The following NLGN4X variants were observed in gnomAD, a reference collection of about 807,000 sequenced individuals.
NLGN4X encodes neuroligin-4, X-linked.
In NLGN4X, 3 loss-of-function variants were observed where a neutral mutation model predicts 40.3. The ratio of observed to expected loss-of-function variants is 0.07; its 90% CI spans 0.03 to 0.19. The LOEUF is 0.19. NLGN4X is among the 10% of genes least tolerant of loss of function. The probability of loss-of-function intolerance (pLI) is 1.00; values close to 1 mark genes in which losing one functional copy is unlikely to be tolerated. For missense variants in NLGN4X, 382 were observed against 708.3 expected (o/e 0.54, Z 5.23); for synonymous variants, 270 against 306.8 (o/e 0.88, Z 1.25).
chrX:6,006,483 GGT>G (rs2036105108), intron 3 of NLGN4X, among the ~76,000 whole-genome samples: 1 of 111,030 alleles, frequency 9.0e-6, no homozygotes, highest in Non-Finnish European at 1.9e-5. Flanking sequence ...TTTGGCATGT[GGT>G]TTAAAGAGTG....
intron 2 of NLGN4X, among the ~76,000 whole-genome samples, chrX:6,051,853 G>GA (rs1311523131): frequency 1.8e-5 from 2 of 111,461 alleles, no homozygotes; most frequent in Middle Eastern, 4.7e-3. Flanking sequence ...CTATGAGGTT[G>GA]ATAGAAGTCA....
At chrX:6,202,114 C>T (rs193271084) in intron 1 of NLGN4X, among the ~76,000 whole-genome samples, 67 of 109,924 alleles carry the variant, frequency 6.1e-4, no homozygotes, top group Admixed American at 1.3e-3. Context: ...TAAGACAGGG[C>T]CTATAGAGAA....
intron 1 of NLGN4X, among the ~76,000 whole-genome samples, chrX:6,157,242 T>A (rs2040289107): frequency 8.9e-6 from 1 of 111,798 alleles, no homozygotes; most frequent in African/African-American, 3.3e-5. Flanking sequence ...GTTTAATGGG[T>A]CAGGAACATG....
chrX:6,109,094 G>A (rs2039091335), intron 2 of NLGN4X, among the ~76,000 whole-genome samples: 1 of 111,087 alleles, frequency 9.0e-6, no homozygotes, highest in Non-Finnish European at 1.9e-5. Context: ...AGATGCTATC[G>A]CTACAAAAAT....
intron 3 of NLGN4X, among the ~76,000 whole-genome samples, chrX:5,930,308 T>A (rs1009875810): frequency 8.9e-6 from 1 of 112,316 alleles, no homozygotes; most frequent in Non-Finnish European, 1.9e-5. Context: ...ACAATCTTAA[T>A]GACATCTGAT....
At position 5,925,881 on chromosome X, in the gene NLGN4X, CATATATATATATATATAT is replaced by C. The variant is rs55860509; in HGVS notation, c.626-16660_626-16643del. The stretch of plus-strand genomic sequence containing the variant: ...ATATATATATATATATACATACACA[CATATATATATATATATAT>C]ATATATATATATATATATATATATA... On this transcript the variant is annotated intron_variant, in intron 3 of 5. Transcript: ENST00000381095. Among the ~76,000 whole-genome samples the C allele has an allele frequency of 7.4e-3, 144 of 19,514 alleles. 3 individuals are homozygous for C. In the South Asian group the frequency reaches 0.16, roughly 21 times the overall value. 16.9% of individuals were successfully genotyped at this position (19,514 alleles called of 115,157 possible).
chrX:5,966,630 T>A (rs1487284448), intron 3 of NLGN4X, among the ~76,000 whole-genome samples: 2 of 112,722 alleles, frequency 1.8e-5, no homozygotes, highest in African/African-American at 6.4e-5. Context: ...ACACATGTTA[T>A]ATGCTTTAAT....
At chrX:6,174,431 G>GTA (rs1204464476) in intron 1 of NLGN4X, among the ~76,000 whole-genome samples, 1 of 111,793 alleles carries the variant, frequency 8.9e-6, no homozygotes, top group Non-Finnish European at 1.9e-5. Context: ...CCGTTACTGG[G>GTA]TATATACTCA....
intron 1 of NLGN4X, among the ~76,000 whole-genome samples, chrX:6,153,326 G>A (rs765107471): frequency 1.8e-5 from 2 of 111,174 alleles, no homozygotes; most frequent in South Asian, 7.6e-4. Flanking sequence ...GGATGAAAAC[G>A]CACTGAAAAT....
At position 6,126,063 on chromosome X, in the gene NLGN4X, G is replaced by A. The variant is rs557712491; in HGVS notation, c.472+24932C>T. Among the ~76,000 whole-genome samples the A allele has an allele frequency of 9.3e-4, 103 of 110,780 alleles. No homozygotes were observed. In the South Asian group the frequency reaches 0.038, roughly 41 times the overall value. ...ATTTAAAAATATATTAATTTTCAGA[G>A]CACATTAATTATAAGAGAAGAATCA... is the stretch of plus-strand genomic sequence containing the variant. On this transcript the variant is annotated intron_variant, in intron 2 of 5. Coordinates refer to ENST00000381095, the MANE Select transcript of NLGN4X (RefSeq NM_181332.3).
At chrX:5,926,789 T>TACACGCATACAC (rs1555921498) in intron 3 of NLGN4X, among the ~76,000 whole-genome samples, 6 of 93,055 alleles carry the variant, frequency 6.4e-5, no homozygotes, top group African/African-American at 2.4e-4. Flanking sequence ...CTAGAGAGCA[T>TACACGCATACAC]ACACACACAC....
At chrX:6,060,447 T>C (rs2037741397) in intron 2 of NLGN4X, among the ~76,000 whole-genome samples, 1 of 111,693 alleles carries the variant, frequency 9.0e-6, no homozygotes, top group East Asian at 2.8e-4. Context: ...TCACCTTTAC[T>C]GATCAGCACA....
In NLGN4X at chrX:5,997,239, C is replaced by G. The variant is rs1023080735; in HGVS notation, c.625+32041G>C. 9.4e-5 allele frequency among the ~76,000 whole-genome samples: 10 copies of G among 105,942 alleles called. No homozygotes were observed. The South Asian group carries it at 1.2e-3, about 13-fold the overall frequency. The allele number at this position is 105,942 out of a possible 115,157, so 92.0% of individuals were successfully genotyped here. On this transcript the variant is annotated intron_variant, in intron 3 of 5. Coordinates refer to ENST00000381095, the MANE Select transcript of NLGN4X (RefSeq NM_181332.3). ...TATATATATAAATTATATATAGATA[C>G]AAACATATATATGAAGAGTTAGTAA...
At chrX:5,956,260 T>A (rs766472485) in intron 3 of NLGN4X, among the ~76,000 whole-genome samples, 1 of 108,320 alleles carries the variant, frequency 9.2e-6, no homozygotes, top group Non-Finnish European at 1.9e-5. Flanking sequence ...AAGAAAAAAA[T>A]GCATGTATAT....
intron 3 of NLGN4X, among the ~76,000 whole-genome samples, chrX:6,002,958 T>A (rs1161610592): frequency 9.0e-6 from 1 of 111,563 alleles, no homozygotes; most frequent in Non-Finnish European, 1.9e-5. Flanking sequence ...TCCTGCTCCA[T>A]CCCGTTTTCA....
chrX:6,010,865 T>C lies in NLGN4X; in HGVS notation c.625+18415A>G, dbSNP rs141173417. Among the ~76,000 whole-genome samples, 316 of 111,413 alleles carry C rather than the reference T, an allele frequency of 2.8e-3. 2 individuals carry two copies. Among genetic ancestry groups the C allele is most frequent in the African/African-American group, 9.6e-3 (295 of 30,661 alleles). ...TCTACATCAATTTAGGGATTACTCA[T>C]TTTGAATCACAATAATCTCTATTTA... On this transcript the variant is annotated intron_variant, in intron 3 of 5. Coordinates refer to ENST00000381095, the MANE Select transcript of NLGN4X (RefSeq NM_181332.3).
At chrX:5,990,344 A>G (rs2035648034) in intron 3 of NLGN4X, among the ~76,000 whole-genome samples, 1 of 111,155 alleles carries the variant, frequency 9.0e-6, no homozygotes, top group African/African-American at 3.3e-5. Context: ...GAACAGAATC[A>G]CGTGCTGCAG....
chrX:6,130,089 A>T (rs1255887764), intron 2 of NLGN4X, among the ~76,000 whole-genome samples: 3 of 107,842 alleles, frequency 2.8e-5, no homozygotes, highest in Non-Finnish European at 5.8e-5. Flanking sequence ...AGGTCTCGCT[A>T]TGTTGCCCAG....
At chrX:5,948,312 A>G (rs935032060) in intron 3 of NLGN4X, among the ~76,000 whole-genome samples, 2 of 112,363 alleles carry the variant, frequency 1.8e-5, no homozygotes, top group African/African-American at 3.2e-5. Flanking sequence ...TGTAACCAAA[A>G]GAAATTTTAA....
Sources: gnomAD v4.1 joint callset for allele counts (sites outside exome capture counted in the v4.1 genomes callset) on GRCh38, gnomAD v4.1.1 for gene constraint, MANE v1.5 for transcripts, NCBI Gene and HGNC (gene_info 2026-07-23, HGNC 2026-07-21) for gene names.